Variants in AGBL4 observed in about 807,000 individuals in gnomAD.
AGBL4 encodes the protein cytosolic carboxypeptidase 6.
A neutral mutation model predicts 66.4 loss-of-function variants in AGBL4; 58 were observed. The ratio of observed to expected loss-of-function variants is 0.87; its 90% CI spans 0.71 to 1.09. The LOEUF is 1.09. Among genes scored for constraint, AGBL4 ranks in the 50% least tolerant of loss-of-function variants. The probability of loss-of-function intolerance (pLI) is 0.00; values close to 1 mark genes in which losing one functional copy is unlikely to be tolerated. For missense variants in AGBL4, 579 were observed against 631.0 expected (o/e 0.92, Z 0.88); for synonymous variants, 234 against 222.9 (o/e 1.05, Z -0.44).
At chr1:48,635,861 T>G (rs369641722) in intron 8 of AGBL4, among the ~76,000 whole-genome samples, 1 of 152,350 alleles carries the variant, frequency 6.6e-6, no homozygotes, top group East Asian at 1.9e-4. Flanking sequence ...GGCCAGCAAG[T>G]TACCTCCTGA....
At chr1:49,875,647 T>C (rs1300384605) in intron 1 of AGBL4, among the ~76,000 whole-genome samples, 1 of 148,322 alleles carries the variant, frequency 6.7e-6, no homozygotes, top group Non-Finnish European at 1.5e-5. Flanking sequence ...AGCAGCATGA[T>C]TTATAGTCAT....
chr1:49,859,737 A>G (rs943352754), intron 1 of AGBL4, among the ~76,000 whole-genome samples: 7 of 152,070 alleles, frequency 4.6e-5, no homozygotes, highest in Non-Finnish European at 8.8e-5. Context: ...ACTCTTATTC[A>G]ACATCATCCT....
At chr1:49,432,067 C>T (rs1216691507) in intron 3 of AGBL4, among the ~76,000 whole-genome samples, 3 of 151,982 alleles carry the variant, frequency 2.0e-5, no homozygotes, top group African/African-American at 7.2e-5. Flanking sequence ...TAGGATTAAA[C>T]AAGTTTATTG....
intron 2 of AGBL4, among the ~76,000 whole-genome samples, chr1:49,707,659 AC>A (rs1404327990): frequency 6.6e-6 from 1 of 152,036 alleles, no homozygotes; most frequent in Non-Finnish European, 1.5e-5. Flanking sequence ...GATGGTCTCT[AC>A]ATTTTGGTAT....
chr1:49,845,589 T>A, intron 2 of AGBL4: 1 of 1,605,528 alleles, frequency 6.2e-7, no homozygotes, highest in Non-Finnish European at 8.5e-7. Context: ...ACGAGTGCCA[T>A]GAGTGTGGAA....
chr1:49,499,604 C>T (rs1647941114), intron 3 of AGBL4, among the ~76,000 whole-genome samples: 1 of 151,658 alleles, frequency 6.6e-6, no homozygotes, highest in African/African-American at 2.4e-5. Context: ...TAAGTGAGAA[C>T]ATATGATATC....
chr1:49,986,640 C>A (rs1028418123), intron 1 of AGBL4, among the ~76,000 whole-genome samples: 2 of 151,974 alleles, frequency 1.3e-5, no homozygotes, highest in African/African-American at 4.8e-5. Flanking sequence ...TGAGAGTTTC[C>A]AGAGCTCCAC....
chr1:49,905,259 G>T (rs542310078), intron 1 of AGBL4, among the ~76,000 whole-genome samples: 1 of 152,152 alleles, frequency 6.6e-6, no homozygotes, highest in East Asian at 1.9e-4. Context: ...AAGGTTGTTT[G>T]GGGCCTTGAC....
intron 1 of AGBL4, among the ~76,000 whole-genome samples, chr1:50,015,701 C>CA (rs1306575507): frequency 5.3e-5 from 8 of 151,490 alleles, no homozygotes; most frequent in Admixed American, 2.6e-4. Context: ...CAAAAACAAA[C>CA]AAAAAAAACA....
chr1:49,622,619 A>G (rs1645385242), intron 3 of AGBL4, among the ~76,000 whole-genome samples: 1 of 111,150 alleles, frequency 9.0e-6, no homozygotes, highest in African/African-American at 3.6e-5. Context: ...ACAGAGCGAG[A>G]CTCCGTCTCA....
At chr1:49,058,683 C>G (rs1048473707) in intron 4 of AGBL4, among the ~76,000 whole-genome samples, 1 of 152,136 alleles carries the variant, frequency 6.6e-6, no homozygotes, top group African/African-American at 2.4e-5. Context: ...CAGAAGAAGA[C>G]AGGAAAATGT....
chr1:49,783,833 A>T (rs191013041), intron 2 of AGBL4, among the ~76,000 whole-genome samples: 12 of 152,266 alleles, frequency 7.9e-5, no homozygotes, highest in Admixed American at 7.8e-4. Flanking sequence ...ACACCAAAAA[A>T]ATTTATTGTA....
chr1:49,284,681 T>C (rs1644362867), intron 3 of AGBL4, among the ~76,000 whole-genome samples: 1 of 152,156 alleles, frequency 6.6e-6, no homozygotes, highest in Non-Finnish European at 1.5e-5. Flanking sequence ...GAGGAAGATC[T>C]ACTAAGCAAA....
chr1:48,723,766 C>G (rs1370842258), intron 6 of AGBL4, among the ~76,000 whole-genome samples: 1 of 152,184 alleles, frequency 6.6e-6, no homozygotes, highest in Non-Finnish European at 1.5e-5. Flanking sequence ...TGGTCACACC[C>G]ATTATATATA....
intron 6 of AGBL4, chr1:48,776,883 C>A: frequency 1.0e-6 from 1 of 988,264 alleles, no homozygotes; most frequent in South Asian, 1.7e-5. Flanking sequence ...GCGGGGCGGG[C>A]GCGGAGGTGG....
intron 3 of AGBL4, among the ~76,000 whole-genome samples, chr1:49,298,978 T>C (rs938972129): frequency 6.6e-6 from 1 of 152,196 alleles, no homozygotes; most frequent in African/African-American, 2.4e-5. Context: ...TTACTTGCTT[T>C]ATCATCAAAG....
intron 6 of AGBL4, among the ~76,000 whole-genome samples, chr1:48,715,937 A>AG (rs1422582942): frequency 6.6e-6 from 1 of 152,068 alleles, no homozygotes; most frequent in Non-Finnish European, 1.5e-5. Flanking sequence ...GCATTTTCAC[A>AG]GGGGGAAGGG....
intron 2 of AGBL4, among the ~76,000 whole-genome samples, chr1:49,725,682 GTTTTTTTTTT>G (rs58294452): frequency 1.7e-5 from 2 of 119,084 alleles, no homozygotes; most frequent in African/African-American, 6.7e-5. Context: ...TCCTTTGTGG[GTTTTTTTTTT>G]TTTTTTTTTT....
chr1:49,019,136 C>T (rs964594538), intron 5 of AGBL4, among the ~76,000 whole-genome samples: 1 of 152,192 alleles, frequency 6.6e-6, no homozygotes, highest in African/African-American at 2.4e-5. Context: ...AGTGAGTTCT[C>T]TGTGCCTGAA....
Sources: gnomAD v4.1 joint callset for allele counts (sites outside exome capture counted in the v4.1 genomes callset) on GRCh38, gnomAD v4.1.1 for gene constraint, MANE v1.5 for transcripts, NCBI Gene and HGNC (gene_info 2026-07-23, HGNC 2026-07-21) for gene names.